The following ARHGAP15 variants were observed in gnomAD, a reference collection of about 807,000 sequenced individuals.
ARHGAP15 encodes the protein rho GTPase-activating protein 15.
Under a neutral mutation model 63.7 loss-of-function variants are expected in ARHGAP15, and 51 were observed. That is an observed-to-expected ratio of 0.80 (90% CI 0.64 to 1.01). ARHGAP15 has a LOEUF of 1.01. ARHGAP15 is among the 50% of genes least tolerant of loss of function. The pLI is 0.00. For missense variants in ARHGAP15, 560 were observed against 564.6 expected (o/e 0.99, Z 0.08); for synonymous variants, 191 against 193.8 (o/e 0.99, Z 0.12).
Position 143,129,425 on chromosome 2 carries a change from G to C in ARHGAP15, c.-56G>C, listed in dbSNP as rs1688836456. ...TGTTGAAAGAGTCATTAACAGTTAGGAGTTGATGGCAGTTTCAATAACAGG... is the reference window on the plus strand; with the variant it reads ...TGTTGAAAGAGTCATTAACAGTTAGCAGTTGATGGCAGTTTCAATAACAGG... On this transcript the variant is annotated 5_prime_UTR_variant, in exon 1 of 14. Transcript: ENST00000295095. 6.6e-6 allele frequency: 1 copy of C among 151,784 alleles called. No individual in the cohort carries two copies. The highest frequency in any genetic ancestry group is 2.4e-5 in the African/African-American group (1 of 41,270). The allele number at this position is 151,784 out of a possible 1,614,324, so 9.4% of individuals were successfully genotyped here.
intron 11 of ARHGAP15, among the ~76,000 whole-genome samples, chr2:143,599,046 G>A (rs1207305075): frequency 6.6e-6 from 1 of 151,998 alleles, no homozygotes; most frequent in Non-Finnish European, 1.5e-5. Context: ...AAGGAAGGGA[G>A]AGTAGGGGTA....
At chr2:143,530,575 T>TG (rs763296714) in intron 10 of ARHGAP15, among the ~76,000 whole-genome samples, 2 of 151,844 alleles carry the variant, frequency 1.3e-5, no homozygotes, top group African/African-American at 4.8e-5. Context: ...CTTCAGGCAT[T>TG]GTGCCTACTT....
At chr2:143,610,829 A>C (rs936172019) in intron 11 of ARHGAP15, among the ~76,000 whole-genome samples, 1 of 151,974 alleles carries the variant, frequency 6.6e-6, no homozygotes, top group Non-Finnish European at 1.5e-5. Flanking sequence ...CCTGGATTCA[A>C]GCAATTCTCC....
rs897617925 is a variant in ARHGAP15, at chr2:143,458,534, A to G, written c.703+21492A>G. On this transcript the variant is annotated intron_variant, in intron 8 of 13. Coordinates refer to ENST00000295095, the MANE Select transcript of ARHGAP15 (RefSeq NM_018460.4). ...GATTCCTGCTGAAGGGCCGGTGATC[A>G]TGGGCCAGAGGAAAGAAAAATCTGA... Among the ~76,000 whole-genome samples, 8 of 152,312 alleles carry G rather than the reference A, an allele frequency of 5.3e-5. No individual in the cohort carries two copies. In the East Asian group the frequency reaches 1.4e-3, roughly 26 times the overall value.
chr2:143,222,777 C>T (rs1574111803), intron 4 of ARHGAP15, among the ~76,000 whole-genome samples: 1 of 152,032 alleles, frequency 6.6e-6, no homozygotes, highest in Admixed American at 6.6e-5. Context: ...TCCAACTTCA[C>T]AATTCAGGAT....
intron 6 of ARHGAP15, among the ~76,000 whole-genome samples, chr2:143,310,193 C>T (rs1296514234): frequency 6.6e-6 from 1 of 151,988 alleles, no homozygotes; most frequent in Non-Finnish European, 1.5e-5. Context: ...TACAGTATTA[C>T]TGTGTTGTTT....
At chr2:143,629,067 T>G (rs1458941043) in intron 12 of ARHGAP15, among the ~76,000 whole-genome samples, 1 of 152,152 alleles carries the variant, frequency 6.6e-6, no homozygotes, top group African/African-American at 2.4e-5. Context: ...TACAAGCAAT[T>G]AATGACCACT....
In ARHGAP15 at chr2:143,130,130, A is replaced by T. The variant is rs185449116; in HGVS notation, c.-15+664A>T. ...AAGAAGTCACAGCTGATTTCATTGA[A>T]GGTTACTCTGAGAGGAGAGGCAAAT... On this transcript the variant is annotated intron_variant, in intron 1 of 13. Coordinates refer to ENST00000295095, the MANE Select transcript of ARHGAP15 (RefSeq NM_018460.4). Among the ~76,000 whole-genome samples the T allele has an allele frequency of 9.9e-5, 15 of 152,252 alleles. No individual in the cohort carries two copies. In the East Asian group the frequency reaches 2.9e-3, roughly 29 times the overall value.
At chr2:143,199,721 A>G (rs1692030087) in intron 2 of ARHGAP15, among the ~76,000 whole-genome samples, 1 of 152,086 alleles carries the variant, frequency 6.6e-6, no homozygotes, top group Non-Finnish European at 1.5e-5. Context: ...GAAATGTAGC[A>G]TCTAGAAAAG....
intron 6 of ARHGAP15, among the ~76,000 whole-genome samples, chr2:143,318,648 T>A (rs932512069): frequency 6.6e-6 from 1 of 151,774 alleles, no homozygotes; most frequent in Admixed American, 6.6e-5. Flanking sequence ...TTGCTTCCTA[T>A]TTCTGAGCAA....
chr2:143,183,612 C>T (rs569688091), intron 2 of ARHGAP15, among the ~76,000 whole-genome samples: 41 of 151,892 alleles, frequency 2.7e-4, no homozygotes, highest in African/African-American at 8.7e-4. Flanking sequence ...GTAGAACAGC[C>T]GAAAGGGTCC....
intron 13 of ARHGAP15, among the ~76,000 whole-genome samples, chr2:143,733,457 A>G (rs941614961): frequency 1.3e-5 from 2 of 152,180 alleles, no homozygotes; most frequent in Non-Finnish European, 2.9e-5. Flanking sequence ...AAGTAAAATA[A>G]TCTGTGTGGA....
At chr2:143,364,835 C>T (rs1415569800) in intron 6 of ARHGAP15, among the ~76,000 whole-genome samples, 1 of 152,104 alleles carries the variant, frequency 6.6e-6, no homozygotes, top group Non-Finnish European at 1.5e-5. Flanking sequence ...CCAGAAAACC[C>T]TGTCTCTTAA....
intron 1 of ARHGAP15, among the ~76,000 whole-genome samples, chr2:143,151,099 G>A (rs757965230): frequency 3.9e-5 from 6 of 151,946 alleles, no homozygotes; most frequent in African/African-American, 9.7e-5. Context: ...GGAGTTCCTC[G>A]TTCTCTTTGA....
intron 11 of ARHGAP15, among the ~76,000 whole-genome samples, chr2:143,562,956 A>C (rs2105101352): frequency 6.6e-6 from 1 of 152,334 alleles, no homozygotes; most frequent in Non-Finnish European, 1.5e-5. Flanking sequence ...GCAAAACTAT[A>C]CCACACATTT....
chr2:143,294,736 G>A (rs1682562323), intron 6 of ARHGAP15, among the ~76,000 whole-genome samples: 1 of 152,024 alleles, frequency 6.6e-6, no homozygotes, highest in Admixed American at 6.6e-5. Context: ...AAAAATGTCA[G>A]TGATTAGTCC....
chr2:143,363,255 T>G (rs553271435), intron 6 of ARHGAP15, among the ~76,000 whole-genome samples: 3 of 152,184 alleles, frequency 2.0e-5, no homozygotes, highest in African/African-American at 4.8e-5. Flanking sequence ...TCTAGAAAAC[T>G]CTTGCCCAGG....
At chr2:143,272,030 C>A (rs1221026571) in intron 6 of ARHGAP15, among the ~76,000 whole-genome samples, 2 of 152,144 alleles carry the variant, frequency 1.3e-5, no homozygotes, top group East Asian at 3.9e-4. Flanking sequence ...ATGAACTATG[C>A]CTTGTGTTCT....
At chr2:143,318,090 C>T (rs1683807830) in intron 6 of ARHGAP15, among the ~76,000 whole-genome samples, 1 of 152,010 alleles carries the variant, frequency 6.6e-6, no homozygotes, top group Non-Finnish European at 1.5e-5. Flanking sequence ...CCTCCGCCTC[C>T]CGGGTTCAAG....
Sources: gnomAD v4.1 joint callset for allele counts (sites outside exome capture counted in the v4.1 genomes callset) on GRCh38, gnomAD v4.1.1 for gene constraint, MANE v1.5 for transcripts, NCBI Gene and HGNC (gene_info 2026-07-23, HGNC 2026-07-21) for gene names.